Variants in RAP1GAP observed in about 807,000 individuals in gnomAD.
RAP1GAP encodes the protein RAP1 GTPase activating protein, also known as rap1 GTPase-activating protein 1.
RAP1GAP carries 35 observed loss-of-function variants against 87.2 expected under a neutral mutation model. The ratio of observed to expected loss-of-function variants is 0.40; its 90% CI spans 0.31 to 0.53. The LOEUF is 0.53. Ranked by LOEUF, RAP1GAP falls within the 20% of genes least tolerant of loss-of-function variation. The pLI is 0.48. For missense variants in RAP1GAP, 734 were observed against 898.9 expected (o/e 0.82, Z 2.35); for synonymous variants, 375 against 363.9 (o/e 1.03, Z -0.35).
intron 1 of RAP1GAP, among the ~76,000 whole-genome samples, chr1:21,652,831 C>T (rs1393513546): frequency 6.6e-6 from 1 of 152,194 alleles, no homozygotes; most frequent in Non-Finnish European, 1.5e-5. Flanking sequence ...ACACTGCCCT[C>T]CAGCCCAACA....
In RAP1GAP at chr1:21,608,810, G is replaced by A. The variant is rs551830324; in HGVS notation, c.1158+40C>T. On this transcript the variant is annotated intron_variant, in intron 16 of 24. Transcript: ENST00000374765. The stretch of plus-strand genomic sequence containing the variant: ...CAGGGCTGAAGTTATAGGTTGGAAG[G>A]TGAGAAGAGGGTCACCCAGCCCTCA... The A allele has an allele frequency of 1.1e-5, 17 of 1,564,092 alleles. 1 individual carries two copies. In the South Asian group the frequency reaches 1.9e-4, roughly 17 times the overall value.
chr1:21,601,919 C>T, intron 19 of RAP1GAP, 122 bp from the exon 20 acceptor site: 1 of 634,874 alleles, frequency 1.6e-6, no homozygotes, highest in Non-Finnish European at 2.6e-6. Flanking sequence ...CCCCTATACT[C>T]AGGGCCAGCC....
chr1:21,665,488 G>A (rs2097311033), intron 1 of RAP1GAP, among the ~76,000 whole-genome samples: 1 of 152,166 alleles, frequency 6.6e-6, no homozygotes, highest in African/African-American at 2.4e-5. Context: ...GTAGGCACAC[G>A]AGGCTGCTCC....
chr1:21,626,449 G>A (rs896067357), intron 2 of RAP1GAP, 52 bp from the exon 3 acceptor site: 4 of 1,439,332 alleles, frequency 2.8e-6, no homozygotes, highest in Non-Finnish European at 3.9e-6. Context: ...AGGAAATTTG[G>A]GAACTCTGGG....
chr1:21,602,773 G>A, intron 19 of RAP1GAP, 31 bp downstream of exon 19: 8 of 1,562,634 alleles, frequency 5.1e-6, no homozygotes, highest in Non-Finnish European at 7.0e-6. Context: ...GGGGATGCAG[G>A]GGAATGGGGC....
In RAP1GAP at chr1:21,610,358, T is replaced by C. The variant is rs1006886920; in HGVS notation, c.844-83A>G. ...GGGTGCCCACGGGGGTTTAGGAGGG[T>C]TTGGGGTAGTCAGAGGGCACATCTA... On this transcript the variant is annotated intron_variant, in intron 13 of 24. Transcript: ENST00000374765. 3 of 1,470,646 alleles carry C rather than the reference T, an allele frequency of 2.0e-6. No homozygotes were observed. In the African/African-American group the frequency reaches 4.2e-5, roughly 21 times the overall value. The allele number at this position is 1,470,646 out of a possible 1,614,324, so 91.1% of individuals were successfully genotyped here. A position where few individuals can be genotyped will look rare whatever the true frequency, so the allele number is the denominator to read the frequency against.
rs2149259349 is a variant in RAP1GAP at position 21,609,606 on chromosome 1, G to A, written c.1040C>T (p.Pro347Leu). The A allele has an allele frequency of 1.9e-6, 3 of 1,579,946 alleles. No homozygotes were observed. The highest frequency in any genetic ancestry group is 2.3e-5 in the East Asian group (1 of 43,080). The change falls in exon 15 of 25, where the codon CCC becomes CTC. Residue 347 changes from proline to leucine, a missense_variant. Transcript: ENST00000374765. The surrounding 1 kb of genome is among the most constrained non-coding windows in gnomAD (Gnocchi z 4.4). The part of the protein sequence containing the change: ...TARDDVPFFG[P>L]PLPDPAVFRK... The stretch of plus-strand genomic sequence containing the variant: ...GAACACAGCGGGGTCCGGGAGGGGG[G>A]GTCCAAAGAAGGGCACATCATCTCT...
At chr1:21,628,327 C>T (rs1463706147) in intron 2 of RAP1GAP, among the ~76,000 whole-genome samples, 1 of 141,914 alleles carries the variant, frequency 7.0e-6, no homozygotes, top group African/African-American at 2.7e-5. Flanking sequence ...CCAAGGCGGG[C>T]AGATCACCTG....
At chr1:21,649,628 C>T (rs2096397382) in intron 2 of RAP1GAP, 133 bp downstream of exon 2, 7 of 1,046,806 alleles carry the variant, frequency 6.7e-6, no homozygotes, top group Non-Finnish European at 9.9e-6. Flanking sequence ...GTCTGCCCAC[C>T]CCCTTGCCCT....
rs1053726310 is a variant in RAP1GAP, at chr1:21,608,468, G to T, written c.1159-118C>A. On this transcript the variant is annotated intron_variant, in intron 16 of 24. Coordinates refer to ENST00000374765, the MANE Select transcript of RAP1GAP (RefSeq NM_002885.4). The stretch of plus-strand genomic sequence containing the variant: ...ACCTTCTCTGAATGAGTGGGGAGTG[G>T]GGAGGGCGGAGGGCTCCTGCACCGC... 17 of 1,382,300 alleles carry T rather than the reference G, an allele frequency of 1.2e-5. No individual in the cohort carries two copies. In the South Asian group the frequency reaches 2.1e-4, roughly 17 times the overall value. 85.6% of individuals were successfully genotyped at this position (1,382,300 alleles called of 1,614,324 possible). A position where few individuals can be genotyped will look rare whatever the true frequency, so the allele number is the denominator to read the frequency against.
chr1:21,660,078 G>A (rs747948589), intron 1 of RAP1GAP, among the ~76,000 whole-genome samples: 20 of 151,662 alleles, frequency 1.3e-4, no homozygotes, highest in Non-Finnish European at 2.6e-4. Flanking sequence ...ATGCCTTCTG[G>A]GATAGGATGC....
intron 2 of RAP1GAP, among the ~76,000 whole-genome samples, chr1:21,628,551 C>A (rs545286823): frequency 6.6e-6 from 1 of 152,142 alleles, no homozygotes; most frequent in East Asian, 1.9e-4. Flanking sequence ...GAAACCCCGT[C>A]TCTACTAAAA....
In RAP1GAP at chr1:21,597,700, C is replaced by G; in HGVS notation, c.*20G>C. On this transcript the variant is annotated 3_prime_UTR_variant, in exon 24 of 25. Coordinates refer to ENST00000374765, the MANE Select transcript of RAP1GAP (RefSeq NM_002885.4). ...CTGGGTCTAACCTGCTCAGTTTCAC[C>G]TTCAGAGGGGGTGGCCCGGCTAACA... The G allele has an allele frequency of 6.2e-7, 1 of 1,612,728 alleles. No individual in the cohort carries two copies.
At chr1:21,612,934 G>C in intron 10 of RAP1GAP, 1 of 555,506 alleles carries the variant, frequency 1.8e-6, no homozygotes. Context: ...TGTGAGGCCA[G>C]CCTCTAAGGC....
rs1185117095 is a variant in RAP1GAP at position 21,613,093 on chromosome 1, G to T, written c.528+83C>A. 1.1e-5 allele frequency: 15 copies of T among 1,370,714 alleles called. No homozygotes were observed. Among genetic ancestry groups the T allele is most frequent in the Non-Finnish European group, 1.6e-5 (15 of 962,038 alleles). 84.9% of individuals were successfully genotyped at this position (1,370,714 alleles called of 1,614,324 possible). ...ATGAGAGAACCTTGGGAAAGTATCT[G>T]GCACACAGAAGGTGCTTAATAAATG... On this transcript the variant is annotated intron_variant, in intron 10 of 24. Coordinates refer to ENST00000374765, the MANE Select transcript of RAP1GAP (RefSeq NM_002885.4). This position sits in a 1 kb window ranked among gnomAD's most constrained non-coding sequence, Gnocchi z 4.7.
At position 21,654,901 on chromosome 1, in the gene RAP1GAP, GAGGCCA is replaced by G. The variant is rs139025559; in HGVS notation, c.-148-5111_-148-5106del. ...CACACCTGTAATCCCAGCACTCTGG[GAGGCCA>G]AGTCGGGTAGATCACTTGAAGTCAG... is the stretch of plus-strand genomic sequence containing the variant. On this transcript the variant is annotated intron_variant, in intron 1 of 24. Coordinates refer to ENST00000374765, the MANE Select transcript of RAP1GAP (RefSeq NM_002885.4). Among the ~76,000 whole-genome samples, 19 of 152,256 alleles carry G rather than the reference GAGGCCA, an allele frequency of 1.2e-4. No individual in the cohort carries two copies. The East Asian group carries it at 3.7e-3, about 29-fold the overall frequency.
In RAP1GAP at chr1:21,603,320, C is replaced by T. The variant is rs1057035306; in HGVS notation, c.1429-407G>A. 2.0e-5 allele frequency: 8 copies of T among 393,956 alleles called. No homozygotes were observed. Among genetic ancestry groups the T allele is most frequent in the African/African-American group, 6.1e-5 (3 of 48,964 alleles). The allele number at this position is 393,956 out of a possible 1,614,324, so 24.4% of individuals were successfully genotyped here. ...CCCCGTGCCAGCTAGGGCCCCTCCC[C>T]GGAACCTCCAAATTGGCTGGGGGAG... On this transcript the variant is annotated intron_variant, in intron 18 of 24. Transcript: ENST00000374765. The surrounding 1 kb of genome is among the most constrained non-coding windows in gnomAD (Gnocchi z 6.0).
intron 3 of RAP1GAP, 25 bp downstream of exon 3, chr1:21,626,279 C>A: frequency 6.4e-7 from 1 of 1,559,588 alleles, no homozygotes; most frequent in Non-Finnish European, 8.8e-7. Flanking sequence ...GACCAGGGGC[C>A]GTAGGTATGG....
At position 21,602,916 on chromosome 1, in the gene RAP1GAP, G is replaced by A; in HGVS notation, c.1429-3C>T. ...CTCTTCCCAGGGACAATCAGTGACT[G>A]TGGGGAGAGGCCCCAACTCAGTGCC... On this transcript the variant is annotated splice_region_variant and splice_polypyrimidine_tract_variant and intron_variant, in intron 18 of 24. Coordinates refer to ENST00000374765, the MANE Select transcript of RAP1GAP (RefSeq NM_002885.4). The A allele has an allele frequency of 5.6e-6, 9 of 1,603,936 alleles. No individual in the cohort carries two copies. The highest frequency in any genetic ancestry group is 7.7e-6 in the Non-Finnish European group (9 of 1,174,616).
Sources: gnomAD v4.1 joint callset for allele counts (sites outside exome capture counted in the v4.1 genomes callset) on GRCh38, gnomAD v4.1.1 for gene constraint, Gnocchi (gnomAD v3.1) non-coding constraint, MANE v1.5 for transcripts, NCBI Gene and HGNC (gene_info 2026-07-23, HGNC 2026-07-21) for gene names.